The following CSMD1 variants were observed in gnomAD, a reference collection of about 807,000 sequenced individuals.
CSMD1 encodes the protein CUB and sushi domain-containing protein 1.
CSMD1 carries 213 observed loss-of-function variants against 417.5 expected under a neutral mutation model. That is an observed-to-expected ratio of 0.51 (90% confidence interval 0.46 to 0.57). The LOEUF is 0.57. Among genes scored for constraint, CSMD1 ranks in the 20% least tolerant of loss-of-function variants. CSMD1 has a pLI of 0.00. For missense variants in CSMD1, 6,923 were observed against 4,529.7 expected (o/e 1.53, Z -15.17); for synonymous variants, 2,862 against 1,736.8 (o/e 1.65, Z -16.11).
At chr8:3,444,712 C>A (rs1815194886) in intron 12 of CSMD1, among the ~76,000 whole-genome samples, 1 of 152,156 alleles carries the variant, frequency 6.6e-6, no homozygotes, top group Admixed American at 6.5e-5. Context: ...ACTTCCTATT[C>A]TGAATGTAAT....
At chr8:4,136,768 A>G (rs748849135) in intron 3 of CSMD1, among the ~76,000 whole-genome samples, 2 of 152,206 alleles carry the variant, frequency 1.3e-5, no homozygotes, top group Non-Finnish European at 2.9e-5. Flanking sequence ...TTTGACTTTT[A>G]TAATGATTAG....
intron 1 of CSMD1, among the ~76,000 whole-genome samples, chr8:4,829,614 C>T (rs1800027356): frequency 1.3e-5 from 2 of 151,958 alleles, no homozygotes; most frequent in African/African-American, 4.8e-5. Flanking sequence ...AGTGGTCATG[C>T]CTGTGGTCCC....
intron 18 of CSMD1, among the ~76,000 whole-genome samples, chr8:3,370,126 T>G (rs541455197): frequency 2.0e-5 from 3 of 152,282 alleles, no homozygotes; most frequent in African/African-American, 4.8e-5. Context: ...GGAATTCAAT[T>G]CTTAAGATAT....
chr8:3,421,977 C>T (rs745868205), intron 12 of CSMD1, among the ~76,000 whole-genome samples: 2 of 151,038 alleles, frequency 1.3e-5, no homozygotes, highest in Non-Finnish European at 3.0e-5. Flanking sequence ...CAACCGGCCC[C>T]ACAGATGGCT....
intron 3 of CSMD1, among the ~76,000 whole-genome samples, chr8:4,037,809 T>C (rs1797696194): frequency 1.3e-5 from 2 of 152,052 alleles, no homozygotes; most frequent in African/African-American, 4.8e-5. Flanking sequence ...TGGAATTGAA[T>C]CTTTTTATGT....
chr8:4,142,145 T>C (rs940377612), intron 3 of CSMD1, among the ~76,000 whole-genome samples: 2 of 151,208 alleles, frequency 1.3e-5, no homozygotes, highest in African/African-American at 4.9e-5. Flanking sequence ...GTAAAACATA[T>C]GTTAAAAATG....
At chr8:3,803,808 G>A (rs78231878) in intron 5 of CSMD1, among the ~76,000 whole-genome samples, 28,449 of 152,180 alleles carry the variant, frequency 0.19, 2,836 homozygotes, top group South Asian at 0.25. Flanking sequence ...CTACTATGTG[G>A]AGAATGGACC....
intron 5 of CSMD1, among the ~76,000 whole-genome samples, chr8:3,786,665 C>T (rs1488891520): frequency 1.3e-5 from 2 of 152,120 alleles, no homozygotes; most frequent in African/African-American, 2.4e-5. Flanking sequence ...TGATAAAATA[C>T]TACAGACTTT....
At chr8:4,683,526 G>T (rs1170522750) in intron 1 of CSMD1, among the ~76,000 whole-genome samples, 1 of 152,132 alleles carries the variant, frequency 6.6e-6, no homozygotes, top group Non-Finnish European at 1.5e-5. Context: ...AAGGGATTGT[G>T]CCAGGACAGT....
intron 3 of CSMD1, among the ~76,000 whole-genome samples, chr8:4,231,622 G>C (rs1208761783): frequency 1.3e-5 from 2 of 152,172 alleles, no homozygotes; most frequent in African/African-American, 4.8e-5. Flanking sequence ...TGTTGAGTCA[G>C]ATATCTTCTT....
chr8:3,755,154 G>A (rs1290412998), intron 5 of CSMD1, among the ~76,000 whole-genome samples: 1 of 152,182 alleles, frequency 6.6e-6, no homozygotes, highest in Non-Finnish European at 1.5e-5. Flanking sequence ...CGTTAGAGGC[G>A]CAAGGGACAC....
At position 4,664,423 on chromosome 8, in the gene CSMD1, G is replaced by A. The variant is rs577174828; in HGVS notation, c.86-26865C>T. Among the ~76,000 whole-genome samples, 3 of 152,174 alleles carry A rather than the reference G, an allele frequency of 2.0e-5. No individual in the cohort carries two copies. In the South Asian group the frequency reaches 6.2e-4, roughly 32 times the overall value. On this transcript the variant is annotated intron_variant, in intron 1 of 69. Coordinates refer to ENST00000635120, the MANE Select transcript of CSMD1 (RefSeq NM_033225.6). ...GTAGAAACGAAAATTGAATGTTCCT[G>A]GTAGTTCCCGCCTGTGGTCTCAGCT...
intron 23 of CSMD1, among the ~76,000 whole-genome samples, chr8:3,314,261 A>T (rs114194438): frequency 1.3e-5 from 2 of 151,870 alleles, no homozygotes; most frequent in African/African-American, 4.9e-5. Context: ...AAAAAATAAA[A>T]AATAAATCTC....
intron 1 of CSMD1, among the ~76,000 whole-genome samples, chr8:4,790,781 T>C (rs1196252319): frequency 1.3e-5 from 2 of 152,220 alleles, no homozygotes; most frequent in African/African-American, 2.4e-5. Context: ...GCTAGCCATA[T>C]GCAGAAGACC....
chr8:4,737,444 A>G (rs532469201), intron 1 of CSMD1, among the ~76,000 whole-genome samples: 1 of 152,304 alleles, frequency 6.6e-6, no homozygotes, highest in African/African-American at 2.4e-5. Context: ...TGCCATAACA[A>G]AAATTTACCT....
In CSMD1 at chr8:4,446,760, T is replaced by C. The variant is rs1465952015; in HGVS notation, c.303-26695A>G. ...GTGTGTGTGTGTGTGTGTGTCTGTG[T>C]GTGTGTGTGTGTGTGTGTGTGTGTG... On this transcript the variant is annotated intron_variant, in intron 2 of 69. Transcript: ENST00000635120. 4.3e-4 allele frequency among the ~76,000 whole-genome samples: 15 copies of C among 35,234 alleles called. No individual in the cohort carries two copies. The South Asian group carries it at 0.015, about 36-fold the overall frequency. 23.1% of individuals were successfully genotyped at this position (35,234 alleles called of 152,430 possible). A position where few individuals can be genotyped will look rare whatever the true frequency, so the allele number is the denominator to read the frequency against.
chr8:4,917,890 G>A (rs13248460), intron 1 of CSMD1, among the ~76,000 whole-genome samples: 60,915 of 151,952 alleles, frequency 0.4, 14,288 homozygotes, highest in East Asian at 0.82. Context: ...GGCTAGGTAC[G>A]ATTCAAAACA....
chr8:3,239,285 G>A (rs921849472), intron 26 of CSMD1, among the ~76,000 whole-genome samples: 2 of 152,116 alleles, frequency 1.3e-5, no homozygotes, highest in Non-Finnish European at 2.9e-5. Context: ...AATAAAGGCC[G>A]GTCTGCTATT....
chr8:4,846,619 A>G (rs1045070548), intron 1 of CSMD1, among the ~76,000 whole-genome samples: 5 of 152,178 alleles, frequency 3.3e-5, no homozygotes, highest in Non-Finnish European at 5.9e-5. Context: ...CTACTCCAGC[A>G]ATTCCTAGAA....
Sources: gnomAD v4.1 joint callset for allele counts (sites outside exome capture counted in the v4.1 genomes callset) on GRCh38, gnomAD v4.1.1 for gene constraint, MANE v1.5 for transcripts, NCBI Gene and HGNC (gene_info 2026-07-23, HGNC 2026-07-21) for gene names.